Variants in IFNGR1 observed in about 807,000 individuals in gnomAD.
The protein encoded by IFNGR1 is interferon gamma receptor 1.
Under a neutral mutation model 35.4 loss-of-function variants are expected in IFNGR1, and 23 were observed. That is an observed-to-expected ratio of 0.65 (90% CI 0.47 to 0.92). IFNGR1 has a LOEUF of 0.92. Among genes scored for constraint, IFNGR1 ranks in the 40% least tolerant of loss-of-function variants. IFNGR1 has a pLI of 0.00. For synonymous variants in IFNGR1, 199 were observed against 209.5 expected (o/e 0.95, Z 0.43); for missense variants, 533 against 583.4 (o/e 0.91, Z 0.89).
In IFNGR1 at chr6:137,200,964, C is replaced by G; in HGVS notation, c.778G>C (p.Val260Leu). 1 of 1,612,980 alleles carries G rather than the reference C, an allele frequency of 6.2e-7. No individual in the cohort carries two copies. Among genetic ancestry groups the G allele is most frequent in the African/African-American group, 1.3e-5 (1 of 74,950 alleles). ...PVVAALLLFL[V>L]LSLVFICFYI... is the part of the protein sequence containing the mutation. ...AAACAGATGAATACCAGGCTAAGCA[C>G]TAGAAAGAGTAGTAAAGCAGCAACA... is the stretch of plus-strand genomic sequence containing the variant. Residue 260 changes from valine (V) to leucine (L), a missense_variant, in exon 6 of 7, where the codon GTG (valine) becomes CTG (leucine). Coordinates refer to ENST00000367739, the MANE Select transcript of IFNGR1 (RefSeq NM_000416.3).
At chr6:137,199,472 AAT>A (rs1259419965) in intron 6 of IFNGR1, among the ~76,000 whole-genome samples, 1 of 69,838 alleles carries the variant, frequency 1.4e-5, no homozygotes, top group Non-Finnish European at 2.6e-5. Context: ...TATTATATAA[AAT>A]ATATAATTTA....
At chr6:137,218,421 C>T in intron 1 of IFNGR1, 2 of 1,126,418 alleles carry the variant, frequency 1.8e-6, no homozygotes, top group South Asian at 1.3e-5. Context: ...TAAAATGCTC[C>T]GAAGAACAAA....
intron 6 of IFNGR1, 97 bp from the exon 7 acceptor site, chr6:137,198,736 G>T: frequency 1.1e-6 from 1 of 889,172 alleles, no homozygotes; most frequent in Non-Finnish European, 1.8e-6. Context: ...CCACCAAATG[G>T]CACATTTAGG....
intron 1 of IFNGR1, among the ~76,000 whole-genome samples, chr6:137,208,468 G>A (rs928617016): frequency 6.6e-6 from 1 of 152,198 alleles, no homozygotes; most frequent in Middle Eastern, 3.2e-3. Flanking sequence ...TGGTTTTGTG[G>A]CCAGGCCCAG....
chr6:137,198,747 A>G, intron 6 of IFNGR1, 108 bp from the exon 7 acceptor site: 1 of 801,252 alleles, frequency 1.2e-6, no homozygotes, highest in Non-Finnish European at 2.1e-6. Flanking sequence ...CACATTTAGG[A>G]TAATGGGTGA....
chr6:137,209,962 T>C (rs2114499406), intron 1 of IFNGR1: 1 of 398,572 alleles, frequency 2.5e-6, no homozygotes, highest in East Asian at 3.6e-5. Context: ...CTTCACTCTT[T>C]CAGAAAACAT....
chr6:137,219,381 G>GCGCTGCCCTC lies in IFNGR1; in HGVS notation c.-55_-54insGAGGGCAGCG. On this transcript the variant is annotated 5_prime_UTR_variant, in exon 1 of 7. Transcript: ENST00000367739. ...CCCGAGCGCCTGCGGGACCAGCCCA[G>GCGCTGCCCTC]CACTGCCCTCCAGCCCCGGCCTTAC... The GCGCTGCCCTC allele has an allele frequency of 7.0e-6, 11 of 1,565,654 alleles. No individual in the cohort carries two copies. The highest frequency in any genetic ancestry group is 9.5e-6 in the Non-Finnish European group (11 of 1,155,212).
At chr6:137,218,249 C>A (rs529424756) in intron 1 of IFNGR1, among the ~76,000 whole-genome samples, 1 of 152,106 alleles carries the variant, frequency 6.6e-6, no homozygotes, top group Non-Finnish European at 1.5e-5. Context: ...AAAACGTGGA[C>A]CTTTCAAAGT....
At chr6:137,205,238 G>A (rs988005786) in intron 3 of IFNGR1, among the ~76,000 whole-genome samples, 2 of 152,152 alleles carry the variant, frequency 1.3e-5, no homozygotes, top group African/African-American at 2.4e-5. Flanking sequence ...AGAAGAGACC[G>A]AGGTGGCACA....
chr6:137,219,237 CG>C lies in IFNGR1; in HGVS notation c.85+5del. The C allele has an allele frequency of 6.2e-7, 1 of 1,607,440 alleles. No homozygotes were observed. Among genetic ancestry groups the C allele is most frequent in the Non-Finnish European group, 8.5e-7 (1 of 1,177,608 alleles). ...CCGGCCGCAGCCCTGCCGCGAACGA[CG>C]GTACCTGAGGACGGCCCCAGATCCG... On this transcript the variant is annotated splice_donor_5th_base_variant and intron_variant, in intron 1 of 6. Coordinates refer to ENST00000367739, the MANE Select transcript of IFNGR1 (RefSeq NM_000416.3).
At chr6:137,199,543 T>A (rs28735619) in intron 6 of IFNGR1, among the ~76,000 whole-genome samples, 191 of 11,712 alleles carry the variant, frequency 0.016, 1 homozygote, top group East Asian at 0.024. Context: ...ATAATATATA[T>A]TATATAACAT....
At chr6:137,206,878 G>C in intron 2 of IFNGR1, 85 bp downstream of exon 2, 1 of 1,035,548 alleles carries the variant, frequency 9.7e-7, no homozygotes, top group South Asian at 1.3e-5. Context: ...CACGTGGGAA[G>C]GCTGATGAAA....
intron 1 of IFNGR1, among the ~76,000 whole-genome samples, chr6:137,214,281 G>T (rs749087822): frequency 7.9e-5 from 12 of 152,078 alleles, no homozygotes; most frequent in Non-Finnish European, 1.5e-4. Flanking sequence ...CCAAATCAAG[G>T]CCTTTGTATT....
chr6:137,205,681 T>C (rs1452010778), intron 3 of IFNGR1, among the ~76,000 whole-genome samples: 1 of 152,102 alleles, frequency 6.6e-6, no homozygotes, highest in Non-Finnish European at 1.5e-5. Flanking sequence ...AGACCCATAA[T>C]TGTATGAAGT....
chr6:137,210,981 CATT>C (rs1779562043), intron 1 of IFNGR1, among the ~76,000 whole-genome samples: 1 of 152,050 alleles, frequency 6.6e-6, no homozygotes, highest in East Asian at 1.9e-4. Flanking sequence ...ATGCTATCAC[CATT>C]ATTATTTTCC....
At chr6:137,199,048 G>A (rs1215549490) in intron 6 of IFNGR1, among the ~76,000 whole-genome samples, 2 of 151,878 alleles carry the variant, frequency 1.3e-5, no homozygotes, top group Admixed American at 6.6e-5. Context: ...CTGCCAGCAT[G>A]GCTAGAATGT....
At chr6:137,215,353 C>T (rs2114515113) in intron 1 of IFNGR1, 1 of 1,539,914 alleles carries the variant, frequency 6.5e-7, no homozygotes, top group Non-Finnish European at 8.8e-7. Context: ...GATTTTATTA[C>T]ATTATCACAA....
At chr6:137,216,375 C>G (rs922944925) in intron 1 of IFNGR1, among the ~76,000 whole-genome samples, 1 of 152,182 alleles carries the variant, frequency 6.6e-6, no homozygotes, top group Non-Finnish European at 1.5e-5. Context: ...AAAATATATA[C>G]TACTTTTATG....
intron 1 of IFNGR1, among the ~76,000 whole-genome samples, chr6:137,212,545 C>G (rs552334163): frequency 7.2e-5 from 11 of 152,300 alleles, no homozygotes; most frequent in African/African-American, 2.4e-4. Context: ...TGTGAGCCAC[C>G]GGGCCCAGCC....
Sources: allele counts gnomAD v4.1 joint callset (sites outside exome capture counted in the v4.1 genomes callset), GRCh38; gene constraint gnomAD v4.1.1; transcripts MANE v1.5; gene names NCBI Gene and HGNC (gene_info 2026-07-23, HGNC 2026-07-21).